Variants in SPMIP3 observed in about 807,000 individuals in gnomAD.
SPMIP3 encodes the protein protein SPMIP3.
At chr1:244,372,311 G>C in the SPMIP3 span, among the ~76,000 whole-genome samples, 1 of 152,122 alleles carries the variant, frequency 6.6e-6, no homozygotes, top group Non-Finnish European at 1.5e-5. Context: ...CATAGTGCAG[G>C]GTGTTTTGTG....
the SPMIP3 span, among the ~76,000 whole-genome samples, chr1:244,372,690 G>T: frequency 1.3e-5 from 2 of 152,106 alleles, no homozygotes; most frequent in Non-Finnish European, 2.9e-5. Context: ...CGATCCGCCC[G>T]CCTTGGCCTC....
chr1:244,381,924 C>T, the SPMIP3 span, among the ~76,000 whole-genome samples: 1 of 152,204 alleles, frequency 6.6e-6, no homozygotes, highest in African/African-American at 2.4e-5. Context: ...AAGACTCCGT[C>T]TCAAAAAACA....
At chr1:244,356,750 C>T in the SPMIP3 span, among the ~76,000 whole-genome samples, 1 of 151,952 alleles carries the variant, frequency 6.6e-6, no homozygotes, top group South Asian at 2.1e-4. Context: ...TTTAGCATGA[C>T]CAAAATGTCC....
chr1:244,371,731 G>C, the SPMIP3 span, among the ~76,000 whole-genome samples: 1 of 152,202 alleles, frequency 6.6e-6, no homozygotes, highest in Non-Finnish European at 1.5e-5. Context: ...CATCCTTTAG[G>C]TGGGTTCTTA....
At chr1:244,365,021 T>C in the SPMIP3 span, among the ~76,000 whole-genome samples, 2 of 152,180 alleles carry the variant, frequency 1.3e-5, no homozygotes, top group Admixed American at 1.3e-4. Context: ...ACAGAAGCCA[T>C]ATATGTGTCT....
At chr1:244,353,465 T>C in the SPMIP3 span, among the ~76,000 whole-genome samples, 4 of 152,310 alleles carry the variant, frequency 2.6e-5, no homozygotes, top group East Asian at 5.8e-4. Context: ...ATCCAAAGCC[T>C]GGTGGAGAGT....
chr1:244,385,217 C>T, the SPMIP3 span, among the ~76,000 whole-genome samples: 1 of 152,140 alleles, frequency 6.6e-6, no homozygotes, highest in African/African-American at 2.4e-5. Flanking sequence ...ATCAGATTTT[C>T]AGGGCAGAAG....
At chr1:244,363,343 G>A in the SPMIP3 span, among the ~76,000 whole-genome samples, 1 of 152,140 alleles carries the variant, frequency 6.6e-6, no homozygotes, top group African/African-American at 2.4e-5. Flanking sequence ...GGGAGGTGGA[G>A]GTGGCAGTGA....
At chr1:244,364,218 G>C in the SPMIP3 span, among the ~76,000 whole-genome samples, 1 of 151,794 alleles carries the variant, frequency 6.6e-6, no homozygotes, top group African/African-American at 2.4e-5. Context: ...CATTCTCCTG[G>C]CTCAGCCTCC....
the SPMIP3 span, among the ~76,000 whole-genome samples, chr1:244,357,467 TG>T: frequency 1.3e-5 from 2 of 151,496 alleles, no homozygotes; most frequent in Non-Finnish European, 2.9e-5. Flanking sequence ...CCCAGCACTT[TG>T]GGGGGGCCAA....
At chr1:244,373,133 C>A in the SPMIP3 span, among the ~76,000 whole-genome samples, 1 of 151,652 alleles carries the variant, frequency 6.6e-6, no homozygotes, top group Non-Finnish European at 1.5e-5. Flanking sequence ...GCAATCCCAG[C>A]ACTTCGGGAG....
chr1:244,370,133 A>C, the SPMIP3 span, among the ~76,000 whole-genome samples: 1 of 152,196 alleles, frequency 6.6e-6, no homozygotes. Flanking sequence ...CATCTGCCTA[A>C]ATAATTTCCA....
At chr1:244,361,235 C>CTTATTTTTT in the SPMIP3 span, among the ~76,000 whole-genome samples, 1 of 119,314 alleles carries the variant, frequency 8.4e-6, no homozygotes, top group Non-Finnish European at 1.7e-5. Flanking sequence ...TTCTTTCTTT[C>CTTATTTTTT]TTTTTTTTTT....
chr1:244,388,388 C>T, the SPMIP3 span, among the ~76,000 whole-genome samples: 3 of 147,948 alleles, frequency 2.0e-5, no homozygotes, highest in African/African-American at 7.5e-5. Context: ...ATCCTTCCCC[C>T]CAGACGTACT....
At chr1:244,366,682 C>A in the SPMIP3 span, among the ~76,000 whole-genome samples, 2 of 152,164 alleles carry the variant, frequency 1.3e-5, no homozygotes, top group African/African-American at 2.4e-5. Context: ...GAGTTCGAGA[C>A]CAGCCTGGCC....
At chr1:244,387,826 GGT>G in the SPMIP3 span, among the ~76,000 whole-genome samples, 5 of 151,978 alleles carry the variant, frequency 3.3e-5, no homozygotes, top group Non-Finnish European at 7.4e-5. Context: ...GGATTTGGTT[GGT>G]GAGAGAGTGG....
chr1:244,384,198 G>A, the SPMIP3 span, among the ~76,000 whole-genome samples: 1 of 151,920 alleles, frequency 6.6e-6, no homozygotes, highest in Non-Finnish European at 1.5e-5. Flanking sequence ...AAATTGCAGT[G>A]GTTAAAGTTT....
chr1:244,389,227 G>C, the SPMIP3 span: 1 of 570,112 alleles, frequency 1.8e-6, no homozygotes, highest in Non-Finnish European at 3.1e-6. Flanking sequence ...AAGTTGGTCA[G>C]CTTAGAACAG....
chr1:244,372,622 T>G, the SPMIP3 span, among the ~76,000 whole-genome samples: 2 of 152,128 alleles, frequency 1.3e-5, no homozygotes, highest in Non-Finnish European at 2.9e-5. Flanking sequence ...TTTTTGTATT[T>G]TTAGTAGAGA....
Sources: gnomAD v4.1 joint callset for allele counts (sites outside exome capture counted in the v4.1 genomes callset) on GRCh38, gnomAD v4.1.1 for gene constraint, MANE v1.5 for transcripts, NCBI Gene and HGNC (gene_info 2026-07-23, HGNC 2026-07-21) for gene names.